The following DCDC1 variants were observed in gnomAD, a reference collection of about 807,000 sequenced individuals.
The protein encoded by DCDC1 is doublecortin domain-containing protein 1.
In DCDC1, 200 loss-of-function variants were observed where a neutral mutation model predicts 178.3. That is an observed-to-expected ratio of 1.12 (90% CI 1.00 to 1.26). DCDC1 has a LOEUF of 1.26. DCDC1 is among the 50% of genes most tolerant of loss of function. DCDC1 has a pLI of 0.00. For synonymous variants in DCDC1, 690 were observed against 604.8 expected (o/e 1.14, Z -2.07); for missense variants, 1,983 against 1,749.2 (o/e 1.13, Z -2.38).
chr11:31,120,143 T>G (rs1244400861), intron 11 of DCDC1, among the ~76,000 whole-genome samples: 7 of 152,190 alleles, frequency 4.6e-5, no homozygotes, highest in African/African-American at 9.6e-5. Flanking sequence ...AGATGCTGGA[T>G]GAAGACATCC....
At chr11:30,937,995 C>T (rs915451398) in intron 21 of DCDC1, among the ~76,000 whole-genome samples, 5 of 152,090 alleles carry the variant, frequency 3.3e-5, no homozygotes, top group South Asian at 2.1e-4. Context: ...CACCAGTTTC[C>T]GGGCTCTGTT....
chr11:31,128,849 T>C (rs1249028338), intron 10 of DCDC1, among the ~76,000 whole-genome samples: 1 of 152,188 alleles, frequency 6.6e-6, no homozygotes, highest in Non-Finnish European at 1.5e-5. Context: ...AATCTAGGTG[T>C]TTTCTGCATA....
chr11:31,304,048 C>T (rs2137565562), intron 6 of DCDC1, among the ~76,000 whole-genome samples: 1 of 152,226 alleles, frequency 6.6e-6, no homozygotes, highest in South Asian at 2.1e-4. Context: ...GCAGACAAAG[C>T]AGAGAAGTTT....
chr11:31,132,501 C>CT (rs1174409309), intron 10 of DCDC1, among the ~76,000 whole-genome samples: 46 of 151,256 alleles, frequency 3.0e-4, no homozygotes, highest in Non-Finnish European at 4.3e-4. Flanking sequence ...CAACGTGAAT[C>CT]TTTTTTTTTC....
chr11:31,163,758 A>G (rs993099467), intron 9 of DCDC1, among the ~76,000 whole-genome samples: 2 of 152,206 alleles, frequency 1.3e-5, no homozygotes. Context: ...TTTATAAGAA[A>G]TATGCTTAGA....
chr11:30,925,229 A>G (rs1946518371), intron 23 of DCDC1, 80 bp downstream of exon 23: 8 of 1,223,894 alleles, frequency 6.5e-6, no homozygotes, highest in Non-Finnish European at 4.7e-6. Flanking sequence ...TAAGCATTTG[A>G]AGACTTATAT....
chr11:31,233,605 CA>C, intron 9 of DCDC1, among the ~76,000 whole-genome samples: 1 of 152,288 alleles, frequency 6.6e-6, no homozygotes, highest in Middle Eastern at 3.4e-3. Context: ...TCTTAAGAGA[CA>C]CTGAAGGGCC....
intron 9 of DCDC1, among the ~76,000 whole-genome samples, chr11:31,208,611 T>C (rs1972136797): frequency 6.6e-6 from 1 of 151,932 alleles, no homozygotes; most frequent in Admixed American, 6.6e-5. Flanking sequence ...TTTCCAAGAG[T>C]AAAAAAGAAA....
At chr11:31,267,193 A>AT (rs397848314) in intron 7 of DCDC1, among the ~76,000 whole-genome samples, 44,128 of 147,526 alleles carry the variant, frequency 0.3, 7,745 homozygotes, top group East Asian at 0.62. Context: ...TGTTATAGGA[A>AT]TTTTTTTTTT....
At chr11:31,185,397 T>A (rs1457664037) in intron 9 of DCDC1, among the ~76,000 whole-genome samples, 1 of 151,172 alleles carries the variant, frequency 6.6e-6, no homozygotes, top group African/African-American at 2.4e-5. Flanking sequence ...AGCCCAGAAC[T>A]TAAAATATAA....
At chr11:30,954,572 A>G (rs1406543497) in intron 20 of DCDC1, among the ~76,000 whole-genome samples, 1 of 152,248 alleles carries the variant, frequency 6.6e-6, no homozygotes, top group Non-Finnish European at 1.5e-5. Context: ...TTATAATTAA[A>G]GATGTAAAAT....
chr11:31,088,404 G>C (rs904111252), intron 17 of DCDC1, among the ~76,000 whole-genome samples: 20 of 151,354 alleles, frequency 1.3e-4, no homozygotes, highest in African/African-American at 4.9e-4. Flanking sequence ...GTCTTGATTT[G>C]GATTAATTAT....
intron 18 of DCDC1, among the ~76,000 whole-genome samples, chr11:31,066,776 A>G (rs1412715956): frequency 2.0e-5 from 3 of 152,218 alleles, no homozygotes; most frequent in Admixed American, 6.5e-5. Flanking sequence ...GTATAATACT[A>G]TAATGGTGGA....
chr11:30,968,681 T>TTA (rs377008036), intron 20 of DCDC1, among the ~76,000 whole-genome samples: 1,326 of 100,968 alleles, frequency 0.013, 34 homozygotes, highest in African/African-American at 0.053. Flanking sequence ...ATATATCAAA[T>TTA]TATATATATC....
chr11:31,111,475 G>A (rs537390877), intron 11 of DCDC1, among the ~76,000 whole-genome samples: 43 of 152,186 alleles, frequency 2.8e-4, no homozygotes, highest in African/African-American at 9.9e-4. Context: ...AGTCAGTGAC[G>A]TTCATTGAGC....
At chr11:30,952,591 A>G (rs767004324) in intron 20 of DCDC1, 23 bp from the exon 21 acceptor site, 41 of 1,082,022 alleles carry the variant, frequency 3.8e-5, no homozygotes, top group Non-Finnish European at 4.7e-5. Flanking sequence ...ATAAAAAACA[A>G]AAAGAAATTT....
intron 9 of DCDC1, among the ~76,000 whole-genome samples, chr11:31,215,910 T>A (rs1021293531): frequency 1.9e-4 from 29 of 152,310 alleles, no homozygotes; most frequent in African/African-American, 6.5e-4. Context: ...ATGCAGTTAA[T>A]GCTCTGGGGA....
intron 38 of DCDC1, among the ~76,000 whole-genome samples, chr11:30,873,352 T>TAGAGAGAG (rs1442061305): frequency 2.1e-5 from 3 of 141,334 alleles, no homozygotes; most frequent in Non-Finnish European, 4.6e-5. Context: ...TACATATATA[T>TAGAGAGAG]ATATATATAT....
chr11:31,175,513 C>T (rs1358518235), intron 9 of DCDC1, among the ~76,000 whole-genome samples: 2 of 152,172 alleles, frequency 1.3e-5, no homozygotes, highest in African/African-American at 2.4e-5. Context: ...TACATGTGTT[C>T]GTACTCGACC....
Sources: allele counts gnomAD v4.1 joint callset (sites outside exome capture counted in the v4.1 genomes callset), GRCh38; gene constraint gnomAD v4.1.1; transcripts MANE v1.5; gene names NCBI Gene and HGNC (gene_info 2026-07-23, HGNC 2026-07-21).